Variants in CLIP4 observed in about 807,000 individuals in gnomAD.
CLIP4 encodes the protein CAP-Gly domain-containing linker protein 4.
Under a neutral mutation model 73.1 loss-of-function variants are expected in CLIP4, and 47 were observed. That is an observed-to-expected ratio of 0.64 (90% CI 0.51 to 0.82). CLIP4 has a LOEUF of 0.82. Among genes scored for constraint, CLIP4 ranks in the 40% least tolerant of loss-of-function variants. The pLI, the probability that CLIP4 is intolerant of heterozygous loss-of-function variation, is 0.00. For synonymous variants in CLIP4, 306 were observed against 295.4 expected, an observed-to-expected ratio of 1.04 and a Z score of -0.37; for missense variants, 874 against 852.9, an observed-to-expected ratio of 1.02 and a Z score of -0.31.
At chr2:29,137,377 G>A (rs1033788384) in intron 6 of CLIP4, among the ~76,000 whole-genome samples, 1 of 152,174 alleles carries the variant, frequency 6.6e-6, no homozygotes, top group Admixed American at 6.6e-5. Context: ...TTAAATGACT[G>A]TGTAGTATGC....
chr2:29,138,088 T>C (rs1019120238), intron 6 of CLIP4, among the ~76,000 whole-genome samples: 1 of 152,228 alleles, frequency 6.6e-6, no homozygotes, highest in Non-Finnish European at 1.5e-5. Flanking sequence ...CCTAAGCCAA[T>C]GCCTAGAAGA....
In CLIP4 at chr2:29,182,251, G is replaced by C. The variant is rs1166498919; in HGVS notation, c.*358G>C. 6.0e-6 allele frequency: 1 copy of C among 165,370 alleles called. No homozygotes were observed. The allele number at this position is 165,370 out of a possible 1,614,324, so 10.2% of individuals were successfully genotyped here. A position where few individuals can be genotyped will look rare whatever the true frequency, so the allele number is the denominator to read the frequency against. On this transcript the variant is annotated 3_prime_UTR_variant, in exon 16 of 16. Transcript: ENST00000320081. ...TTTTCTTAGTGCCCTAATTGTGAAGGGTTTCTCTAGCTTTGGTTATGTGTA... is the reference window on the plus strand; with the variant it reads ...TTTTCTTAGTGCCCTAATTGTGAAGCGTTTCTCTAGCTTTGGTTATGTGTA...
chr2:29,121,773 T>C (rs1044565358), intron 2 of CLIP4, among the ~76,000 whole-genome samples: 40 of 152,314 alleles, frequency 2.6e-4, no homozygotes, highest in African/African-American at 9.6e-4. Context: ...TAGAGGACTT[T>C]ATTTTTAGAA....
chr2:29,175,123 C>CCTAGGAGCCA (rs1187642166), intron 15 of CLIP4, among the ~76,000 whole-genome samples: 9 of 152,056 alleles, frequency 5.9e-5, no homozygotes, highest in African/African-American at 1.9e-4. Context: ...GTAATGGGAC[C>CCTAGGAGCCA]CTAGGAGCCA....
rs370184992 is a variant in CLIP4, at chr2:29,181,812, G to T, written c.2037G>T (p.Pro679=). 3.7e-6 allele frequency: 6 copies of T among 1,614,160 alleles called. No individual in the cohort carries two copies. The South Asian group carries it at 5.5e-5, about 15-fold the overall frequency. Residue 679 remains proline (P), a synonymous_variant, in exon 16 of 16, where the codon CCG becomes CCT. Coordinates refer to ENST00000320081, the MANE Select transcript of CLIP4 (RefSeq NM_024692.6). ...VGDKRYFTCK[P]NHGVLVRPSR... ...ACAAGCGCTATTTCACCTGTAAGCC[G>T]AACCATGGAGTCTTAGTTCGACCGA... is the stretch of plus-strand genomic sequence containing the variant.
At chr2:29,165,765 G>A (rs534731797) in intron 13 of CLIP4, among the ~76,000 whole-genome samples, 10 of 152,138 alleles carry the variant, frequency 6.6e-5, no homozygotes, top group South Asian at 2.1e-4. Flanking sequence ...TTTTAGGCAC[G>A]GTAAATATTG....
chr2:29,174,353 AC>A lies in CLIP4; in HGVS notation c.1724-16del. The A allele has an allele frequency of 6.3e-7, 1 of 1,596,434 alleles. No individual in the cohort carries two copies. ...GAAAGCTTATATTTTTCCTCTGCTA[AC>A]CCCAACTTTCATATTTAGGTTTTAG... On this transcript the variant is annotated intron_variant, in intron 14 of 15. Transcript: ENST00000320081.
At chr2:29,175,924 G>C (rs1668309279) in intron 15 of CLIP4, among the ~76,000 whole-genome samples, 1 of 151,998 alleles carries the variant, frequency 6.6e-6, no homozygotes. Flanking sequence ...ACCACACCCG[G>C]CTAATTTTTT....
chr2:29,178,759 C>A (rs1180568925), intron 15 of CLIP4, among the ~76,000 whole-genome samples: 1 of 152,112 alleles, frequency 6.6e-6, no homozygotes, highest in African/African-American at 2.4e-5. Flanking sequence ...CTTCCTATCT[C>A]TTTCTCTGCA....
intron 13 of CLIP4, among the ~76,000 whole-genome samples, chr2:29,165,264 T>TC (rs1667532963): frequency 1.3e-5 from 2 of 151,324 alleles, no homozygotes; most frequent in South Asian, 4.2e-4. Flanking sequence ...CTTTCTTTCT[T>TC]TTTTTTTTGT....
chr2:29,112,817 C>G (rs1668416834), upstream of CLIP4, among the ~76,000 whole-genome samples: 1 of 152,268 alleles, frequency 6.6e-6, no homozygotes, highest in Non-Finnish European at 1.5e-5. Flanking sequence ...CCTAGGCCCC[C>G]TATACACTCA....
Position 29,152,750 on chromosome 2 carries a change from C to T in CLIP4, c.1087C>T (p.Pro363Ser), listed in dbSNP as rs868452996. The T allele has an allele frequency of 6.2e-7, 1 of 1,613,872 alleles. No individual in the cohort carries two copies. Among genetic ancestry groups the T allele is most frequent in the African/African-American group, 1.3e-5 (1 of 75,048 alleles). ...TCGAAGGAAGAATATAACACACACT[C>T]CTTCTACAAAAGCTGCTGTACCTCT... ...KGRRKNITHT[P>S]STKAAVPLIR... is the part of the protein sequence containing the mutation. Residue 363 changes from proline to serine, a missense_variant, in exon 9 of 16, where the codon CCT becomes TCT. Physicochemically the swap from Pro to Ser is moderately conservative, Grantham distance 74. Coordinates refer to ENST00000320081, the MANE Select transcript of CLIP4 (RefSeq NM_024692.6).
chr2:29,157,270 C>T lies in CLIP4; in HGVS notation c.1322C>T (p.Pro441Leu). 1.9e-6 allele frequency: 3 copies of T among 1,614,052 alleles called. No homozygotes were observed. The highest frequency in any genetic ancestry group is 2.5e-6 in the Non-Finnish European group (3 of 1,179,982). The change falls in exon 11 of 16, where the codon CCC (proline) becomes CTC (leucine). Residue 441 changes from proline to leucine, a missense_variant. Coordinates refer to ENST00000320081, the MANE Select transcript of CLIP4 (RefSeq NM_024692.6). ...TCTTTGGAACACAGACAGAGCTACC[C>T]CAAGAAACAGAATGCAATCAGCAGT... ...TSSLEHRQSYPKKQNAISSNK... is the reference protein window; with the variant it reads ...TSSLEHRQSYLKKQNAISSNK...
Position 29,143,780 on chromosome 2 carries a change from C to T in CLIP4, c.720C>T (p.Ala240=), listed in dbSNP as rs35024908. The part of the protein sequence containing the change: ...PVDMPLEMAD[A]AATAKEIKQM... ...ATATGCCGTTAGAGATGGCTGACGCCGCAGCCACTGCTAAGGAAATCAAGC... is the reference window on the plus strand; with the variant it reads ...ATATGCCGTTAGAGATGGCTGACGCTGCAGCCACTGCTAAGGAAATCAAGC... The change falls in exon 7 of 16, where the codon GCC becomes GCT. Residue 240 remains alanine, a synonymous_variant. Coordinates refer to ENST00000320081, the MANE Select transcript of CLIP4 (RefSeq NM_024692.6). 94,189 of 1,613,604 alleles carry T rather than the reference C, an allele frequency of 0.058. 3,223 individuals carry two copies. Among genetic ancestry groups the T allele is most frequent in the Non-Finnish European group, 0.065 (76,505 of 1,179,548 alleles).
intron 4 of CLIP4, chr2:29,132,593 A>C (rs111393401): frequency 0.013 from 2,749 of 218,204 alleles, 56 homozygotes; most frequent in East Asian, 0.048. Flanking sequence ...TTAAGACCCC[A>C]GTCTTGAGAC....
chr2:29,110,662 A>C (rs1287056206), upstream of CLIP4, among the ~76,000 whole-genome samples: 1 of 152,080 alleles, frequency 6.6e-6, no homozygotes, highest in Non-Finnish European at 1.5e-5. Context: ...AAATTTGGAA[A>C]TCAGGAAAAC....
chr2:29,130,773 CTA>C lies in CLIP4; in HGVS notation c.134-483_134-482del, dbSNP rs1304687965. 5 of 1,281,960 alleles carry C rather than the reference CTA, an allele frequency of 3.9e-6. No individual in the cohort carries two copies. The African/African-American group carries it at 7.7e-5, about 20-fold the overall frequency. The allele number at this position is 1,281,960 out of a possible 1,614,324, so 79.4% of individuals were successfully genotyped here. On this transcript the variant is annotated intron_variant, in intron 2 of 15. Coordinates refer to ENST00000320081, the MANE Select transcript of CLIP4 (RefSeq NM_024692.6). ...GTTATGCTGACTCTAGAAGTAAGAA[CTA>C]TGTGTACATAGTATAATTTTGGAAA... is the stretch of plus-strand genomic sequence containing the variant.
chr2:29,145,341 A>C lies in CLIP4; in HGVS notation c.995A>C (p.Gln332Pro). Reference protein sequence around the residue: ...GKNNGSVGKVQYFKCAPKYGI... With the variant: ...GKNNGSVGKVPYFKCAPKYGI... ...AATAATGGAAGTGTTGGAAAAGTCCAGTACTTTAAATGTGCCCCCAAGTAT... is the reference window on the plus strand; with the variant it reads ...AATAATGGAAGTGTTGGAAAAGTCCCGTACTTTAAATGTGCCCCCAAGTAT... Residue 332 changes from glutamine to proline, a missense_variant, in exon 8 of 16, where the codon CAG (glutamine) becomes CCG (proline). Coordinates refer to ENST00000320081, the MANE Select transcript of CLIP4 (RefSeq NM_024692.6). 1 of 1,612,362 alleles carries C rather than the reference A, an allele frequency of 6.2e-7. No homozygotes were observed. The highest frequency in any genetic ancestry group is 1.1e-5 in the South Asian group (1 of 90,960).
intron 1 of CLIP4, among the ~76,000 whole-genome samples, chr2:29,119,033 CAT>C (rs1316632741): frequency 1.3e-5 from 2 of 152,112 alleles, no homozygotes; most frequent in African/African-American, 4.8e-5. Flanking sequence ...TATAGGGGTA[CAT>C]AGTTTCCTTT....
Sources: gnomAD v4.1 joint callset for allele counts (sites outside exome capture counted in the v4.1 genomes callset) on GRCh38, gnomAD v4.1.1 for gene constraint, MANE v1.5 for transcripts, NCBI Gene and HGNC (gene_info 2026-07-23, HGNC 2026-07-21) for gene names.